Variants in FAM83G observed in about 807,000 individuals in gnomAD.
The protein encoded by FAM83G is protein FAM83G.
FAM83G carries 38 observed loss-of-function variants against 61.5 expected under a neutral mutation model. The ratio of observed to expected loss-of-function variants is 0.62; its 90% CI spans 0.48 to 0.81. The LOEUF is 0.81. FAM83G is among the 30% of genes least tolerant of loss of function. The pLI, the probability that FAM83G is intolerant of heterozygous loss-of-function variation, is 0.00. For missense variants in FAM83G, 989 were observed against 1,133.6 expected (o/e 0.87, Z 1.83); for synonymous variants, 470 against 476.1 (o/e 0.99, Z 0.17).
At chr17:19,005,873 C>A (rs895486479), upstream of FAM83G, among the ~76,000 whole-genome samples, 1 of 152,258 alleles carries the variant, frequency 6.6e-6, no homozygotes, top group African/African-American at 2.4e-5. Flanking sequence ...TTTGCATCCT[C>A]CTCCTGCCCC....
At position 18,970,583 on chromosome 17, in the gene FAM83G, AC is replaced by A; in HGVS notation, c.*775del. ...AGCCACTCTCAGCTCTGCTAAAATCACACCCTTCAGGTGATCAGGATGAACA... is the reference window on the plus strand; with the variant it reads ...AGCCACTCTCAGCTCTGCTAAAATCAACCCTTCAGGTGATCAGGATGAACA... On this transcript the variant is annotated 3_prime_UTR_variant, in exon 6 of 6. Transcript: ENST00000388995. 3 of 198,170 alleles carry A rather than the reference AC, an allele frequency of 1.5e-5. No individual in the cohort carries two copies. The highest frequency in any genetic ancestry group is 9.6e-5 in the South Asian group (1 of 10,398). The allele number at this position is 198,170 out of a possible 1,614,324, so 12.3% of individuals were successfully genotyped here.
chr17:19,003,785 G>C lies in FAM83G; in HGVS notation c.257C>G (p.Pro86Arg), dbSNP rs191819394. 1 of 1,611,588 alleles carries C rather than the reference G, an allele frequency of 6.2e-7. No homozygotes were observed. Among genetic ancestry groups the C allele is most frequent in the Non-Finnish European group, 8.5e-7 (1 of 1,179,316 alleles). Residue 86 changes from proline (P) to arginine (R), a missense_variant, in exon 2 of 6, where the codon CCC becomes CGC. Pro to Arg is a moderately radical substitution (Grantham distance 103). This residue lies in a region of FAM83G where 371 missense variants were observed against 404.5 expected (regional missense o/e 0.92). Coordinates refer to ENST00000388995, the MANE Select transcript of FAM83G (RefSeq NM_001039999.3). This position sits in a 1 kb window ranked among gnomAD's most constrained non-coding sequence, Gnocchi z 4.5. ...PGSEDPRGTGPSQGPEDNGVG... is the reference protein window; with the variant it reads ...PGSEDPRGTGRSQGPEDNGVG... ...CCCATTGTCCTCGGGCCCCTGAGAG[G>C]GGCCCGTGCCCCGAGGGTCCTCAGA...
chr17:18,970,544 G>T lies in FAM83G; in HGVS notation c.*815C>A, dbSNP rs928694931. The T allele has an allele frequency of 1.1e-5, 2 of 177,602 alleles. No individual in the cohort carries two copies. The highest frequency in any genetic ancestry group is 2.5e-4 in the South Asian group (2 of 7,854). 11.0% of individuals were successfully genotyped at this position (177,602 alleles called of 1,614,324 possible). A position where few individuals can be genotyped will look rare whatever the true frequency, so the allele number is the denominator to read the frequency against. On this transcript the variant is annotated 3_prime_UTR_variant, in exon 6 of 6. Coordinates refer to ENST00000388995, the MANE Select transcript of FAM83G (RefSeq NM_001039999.3). ...TCTTCTCTGTGCCTCAGGGGGTGGGGCCACATCACCACCAGCCACTCTCAG... is the reference window on the plus strand; with the variant it reads ...TCTTCTCTGTGCCTCAGGGGGTGGGTCCACATCACCACCAGCCACTCTCAG...
At chr17:18,980,345 G>A (rs1597853917) in intron 3 of FAM83G, among the ~76,000 whole-genome samples, 1 of 152,130 alleles carries the variant, frequency 6.6e-6, no homozygotes, top group East Asian at 1.9e-4. Context: ...TTCTGTGCCG[G>A]CTTACACTGT....
Position 18,979,570 on chromosome 17 carries a change from C to T in FAM83G, c.794G>A (p.Arg265Gln), listed in dbSNP as rs1445162570. Residue 265 changes from arginine (R) to glutamine (Q), a missense_variant, in exon 4 of 6, where the codon CGG becomes CAG. Arg to Gln is a conservative substitution (Grantham distance 43). Transcript: ENST00000388995. Reference protein sequence around the residue: ...AQKFMFVDGDRAVCGSYSFTW... With the variant: ...AQKFMFVDGDQAVCGSYSFTW... Reference sequence around the variant, plus strand: ...TCACCTGTAGGAGCCGCACACAGCCCGGTCTCCATCCACAAACATGAACTT... The same window carrying T: ...TCACCTGTAGGAGCCGCACACAGCCTGGTCTCCATCCACAAACATGAACTT... 2.0e-5 allele frequency: 32 copies of T among 1,613,328 alleles called. No homozygotes were observed. Among genetic ancestry groups the T allele is most frequent in the Middle Eastern group, 1.6e-4 (1 of 6,070 alleles).
chr17:18,978,358 G>T lies in FAM83G; in HGVS notation c.1308C>A (p.Ile436=). Residue 436 remains isoleucine, a synonymous_variant, in exon 5 of 6, where the codon ATC becomes ATA. Transcript: ENST00000388995. The part of the protein sequence containing the change: ...LGYINIIDPN[I]WNPQPSQMNR... ...TCATCTGGCTGGGCTGGGGGTTCCAGATGTTGGGGTCGATGATATTGATGT... is the reference window on the plus strand; with the variant it reads ...TCATCTGGCTGGGCTGGGGGTTCCATATGTTGGGGTCGATGATATTGATGT... The T allele has an allele frequency of 6.3e-7, 1 of 1,598,898 alleles. No homozygotes were observed. Among genetic ancestry groups the T allele is most frequent in the Non-Finnish European group, 8.5e-7 (1 of 1,173,098 alleles).
chr17:18,971,557 G>C lies in FAM83G; in HGVS notation c.2274C>G (p.Pro758=). The change falls in exon 6 of 6, where the codon CCC becomes CCG. Residue 758 remains proline (P), a synonymous_variant. Coordinates refer to ENST00000388995, the MANE Select transcript of FAM83G (RefSeq NM_001039999.3). This position sits in a 1 kb window ranked among gnomAD's most constrained non-coding sequence, Gnocchi z 5.5. ...GGQVPRLLPD[P]GSPRLAQNAR... is the part of the protein sequence containing the mutation. ...CATTTTGGGCCAGTCTTGGGCTGCC[G>C]GGATCCGGAAGCAGGCGGGGTACCT... The C allele has an allele frequency of 6.2e-7, 1 of 1,613,806 alleles. No homozygotes were observed. Among genetic ancestry groups the C allele is most frequent in the Non-Finnish European group, 8.5e-7 (1 of 1,180,024 alleles).
In FAM83G at chr17:18,977,883, T is replaced by C. The variant is rs759663540; in HGVS notation, c.1783A>G (p.Ser595Gly). The C allele has an allele frequency of 1.3e-5, 21 of 1,610,996 alleles. No individual in the cohort carries two copies. In the South Asian group the frequency reaches 2.2e-4, roughly 17 times the overall value. The change falls in exon 5 of 6, where the codon AGC becomes GGC. Residue 595 changes from serine (S) to glycine (G), a missense_variant. Coordinates refer to ENST00000388995, the MANE Select transcript of FAM83G (RefSeq NM_001039999.3). ...CCACGGCCGGAGCTGCCTGAGTGGC[T>C]GTCCTGGTCACTGAGGGTTACGTAG... ...DDYVTLSDQD[S>G]HSGSSGRGPG...
At position 18,977,728 on chromosome 17, in the gene FAM83G, G is replaced by A; in HGVS notation, c.1938C>T (p.Arg646=). 6.2e-7 allele frequency: 1 copy of A among 1,608,250 alleles called. No individual in the cohort carries two copies. Among genetic ancestry groups the A allele is most frequent in the Non-Finnish European group, 8.5e-7 (1 of 1,178,046 alleles). ...QVANGPTPPP[R]RQLSAPHITR... is the part of the protein sequence containing the mutation. Reference sequence around the variant, plus strand: ...TTATATGGGGGGCACTCAGCTGCCGGCGCGGTGGTGGGGTTGGCCCGTTGG... The same window carrying A: ...TTATATGGGGGGCACTCAGCTGCCGACGCGGTGGTGGGGTTGGCCCGTTGG... The change falls in exon 5 of 6, where the codon CGC becomes CGT. Residue 646 remains arginine, a synonymous_variant. Coordinates refer to ENST00000388995, the MANE Select transcript of FAM83G (RefSeq NM_001039999.3).
In FAM83G at chr17:18,978,369, C is replaced by T. The variant is rs999893894; in HGVS notation, c.1297G>A (p.Asp433Asn). ...SDILGYINIIDPNIWNPQPSQ... is the reference protein window; with the variant it reads ...SDILGYINIINPNIWNPQPSQ... ...GGCTGGGGGTTCCAGATGTTGGGGT[C>T]GATGATATTGATGTAGCCCAGGATG... Residue 433 changes from aspartate to asparagine, a missense_variant, in exon 5 of 6, where the codon GAC becomes AAC. Asp to Asn is a conservative substitution (Grantham distance 23). This residue lies in a region of FAM83G where 574 missense variants were observed against 645.1 expected (regional missense o/e 0.89). Coordinates refer to ENST00000388995, the MANE Select transcript of FAM83G (RefSeq NM_001039999.3). 13 of 1,594,732 alleles carry T rather than the reference C, an allele frequency of 8.2e-6. No individual in the cohort carries two copies. The highest frequency in any genetic ancestry group is 4.0e-5 in the African/African-American group (3 of 74,806).
chr17:18,978,160 G>A lies in FAM83G; in HGVS notation c.1506C>T (p.Pro502=). ...GGACTGTCCGGGGCTTGGGCACGGG[G>A]GGCAATGGCTCAGGGTCCCCCTGGG... The part of the protein sequence containing the change: ...GLPQGDPEPL[P]PVPKPRTVPV... Residue 502 remains proline (P), a synonymous_variant, in exon 5 of 6, where the codon CCC becomes CCT. Transcript: ENST00000388995. The A allele has an allele frequency of 6.5e-7, 1 of 1,532,116 alleles. No individual in the cohort carries two copies. Among genetic ancestry groups the A allele is most frequent in the African/African-American group, 1.4e-5 (1 of 72,832 alleles). The allele number at this position is 1,532,116 out of a possible 1,614,324, so 94.9% of individuals were successfully genotyped here.
At position 19,004,255 on chromosome 17, in the gene FAM83G, G is replaced by A; in HGVS notation, c.-128-86C>T. ...GGCGGGGGCGGGGCCGGGAACTCAG[G>A]TGGGCGTGGGAAGGACGGGGCTGGG... On this transcript the variant is annotated intron_variant, in intron 1 of 5. Transcript: ENST00000388995. The surrounding 1 kb of genome is among the most constrained non-coding windows in gnomAD (Gnocchi z 5.4). 5.6e-6 allele frequency: 3 copies of A among 535,218 alleles called. No homozygotes were observed. In the East Asian group the frequency reaches 1.0e-4, roughly 18 times the overall value. 33.2% of individuals were successfully genotyped at this position (535,218 alleles called of 1,614,324 possible).
intron 2 of FAM83G, among the ~76,000 whole-genome samples, chr17:18,994,233 A>G (rs1215701603): frequency 6.6e-6 from 1 of 152,242 alleles, no homozygotes; most frequent in African/African-American, 2.4e-5. Context: ...CTATGAAGCC[A>G]TGGACAACAG....
chr17:18,973,019 T>G (rs1040689096), intron 5 of FAM83G, among the ~76,000 whole-genome samples: 1 of 152,198 alleles, frequency 6.6e-6, no homozygotes, highest in African/African-American at 2.4e-5. Flanking sequence ...ACATCCGCCA[T>G]GCCTCATGGG....
upstream of FAM83G, among the ~76,000 whole-genome samples, chr17:19,005,018 A>G (rs1265707963): frequency 6.6e-6 from 1 of 152,204 alleles, no homozygotes; most frequent in African/African-American, 2.4e-5. Context: ...CAGCGGGTCA[A>G]CAGCCTTGGC....
intron 3 of FAM83G, among the ~76,000 whole-genome samples, chr17:18,983,938 A>T (rs1211151997): frequency 1.3e-5 from 2 of 152,182 alleles, no homozygotes; most frequent in Non-Finnish European, 2.9e-5. Flanking sequence ...TGTCCCCGGC[A>T]GTGTAGGATG....
Position 18,996,136 on chromosome 17 carries a change from GA to G in FAM83G, c.522+7383del, listed in dbSNP as rs529997491. 0.011 allele frequency among the ~76,000 whole-genome samples: 1,531 copies of G among 137,490 alleles called. 19 individuals carry two copies. The highest frequency in any genetic ancestry group is 0.033 in the African/African-American group (1,251 of 37,648). The allele number at this position is 137,490 out of a possible 152,430, so 90.2% of individuals were successfully genotyped here. On this transcript the variant is annotated intron_variant, in intron 2 of 5. Transcript: ENST00000388995. The surrounding 1 kb of genome is among the most constrained non-coding windows in gnomAD (Gnocchi z 4.4). ...GGCAATATCTTTAAAGTACTAAATG[GA>G]AAAAAAAAAAAATCAACTTAGAATT...
intron 3 of FAM83G, among the ~76,000 whole-genome samples, chr17:18,980,363 A>G (rs2043100364): frequency 6.6e-6 from 1 of 152,078 alleles, no homozygotes; most frequent in South Asian, 2.1e-4. Flanking sequence ...TGTTTGGCCC[A>G]GGAGCAGGCC....
intron 2 of FAM83G, among the ~76,000 whole-genome samples, chr17:18,992,082 G>A (rs1271714140): frequency 6.6e-6 from 1 of 152,160 alleles, no homozygotes; most frequent in Admixed American, 6.5e-5. Context: ...CTCCCTGGGG[G>A]CTCCTGGTGC....
Sources: gnomAD v4.1 joint callset for allele counts (sites outside exome capture counted in the v4.1 genomes callset) on GRCh38, gnomAD v4.1.1 for gene constraint, gnomAD v4.1.1 regional missense constraint, Gnocchi (gnomAD v3.1) non-coding constraint, MANE v1.5 for transcripts, NCBI Gene and HGNC (gene_info 2026-07-23, HGNC 2026-07-21) for gene names.